Variants in OR7E24 observed in about 807,000 individuals in gnomAD.
The protein encoded by OR7E24 is olfactory receptor family 7 subfamily E member 24, also known as olfactory receptor 7E24.
For synonymous variants in OR7E24, 130 were observed against 157.5 expected (o/e 0.83, Z 1.31); for missense variants, 385 against 410.3 (o/e 0.94, Z 0.53).
At chr19:9,236,339 G>A in the OR7E24 span, among the ~76,000 whole-genome samples, 1 of 151,932 alleles carries the variant, frequency 6.6e-6, no homozygotes, top group Non-Finnish European at 1.5e-5. Flanking sequence ...GTGAAACCCT[G>A]TCTCTACCAA....
chr19:9,239,895 G>C, the OR7E24 span, among the ~76,000 whole-genome samples: 2 of 151,712 alleles, frequency 1.3e-5, no homozygotes, highest in African/African-American at 4.8e-5. Context: ...TTTTAATAGA[G>C]ATGGGGTTTC....
chr19:9,237,374 G>A, the OR7E24 span, among the ~76,000 whole-genome samples: 9 of 151,834 alleles, frequency 5.9e-5, no homozygotes, highest in South Asian at 1.2e-3. Context: ...GCAGTGGCAC[G>A]ATCTCGGCTC....
chr19:9,212,145 C>T, the OR7E24 span: 2 of 152,202 alleles, frequency 1.3e-5, no homozygotes, highest in Non-Finnish European at 2.9e-5. Flanking sequence ...GAAATAACCA[C>T]ATCGTGGAGA....
chr19:9,216,791 C>G, the OR7E24 span, among the ~76,000 whole-genome samples: 1 of 152,116 alleles, frequency 6.6e-6, no homozygotes, highest in Non-Finnish European at 1.5e-5. Context: ...GGGGTTTCAC[C>G]ATGTTGGCCA....
the OR7E24 span, among the ~76,000 whole-genome samples, chr19:9,232,250 G>A: frequency 6.6e-6 from 1 of 151,792 alleles, no homozygotes; most frequent in East Asian, 1.9e-4. Flanking sequence ...TTAAAAAGCA[G>A]GCTATATGGC....
the OR7E24 span, among the ~76,000 whole-genome samples, chr19:9,229,108 A>C: frequency 6.6e-6 from 1 of 152,178 alleles, no homozygotes; most frequent in African/African-American, 2.4e-5. Flanking sequence ...AAGGAAAGTA[A>C]ATTTAAAAAA....
At chr19:9,234,046 G>A in the OR7E24 span, among the ~76,000 whole-genome samples, 2 of 151,996 alleles carry the variant, frequency 1.3e-5, no homozygotes, top group Admixed American at 6.6e-5. Flanking sequence ...TGGGACTACA[G>A]GTGCGCACCA....
upstream of OR7E24, among the ~76,000 whole-genome samples, chr19:9,244,052 A>G (rs553313375): frequency 2.4e-4 from 36 of 152,304 alleles, no homozygotes; most frequent in African/African-American, 8.7e-4. Flanking sequence ...TTGGGATTCA[A>G]CAGCCTCTCC....
the OR7E24 span, among the ~76,000 whole-genome samples, chr19:9,238,583 G>A: frequency 7.2e-5 from 11 of 152,050 alleles, no homozygotes; most frequent in African/African-American, 2.7e-4. Context: ...TATACAATTT[G>A]TTATTAACTA....
upstream of OR7E24, among the ~76,000 whole-genome samples, chr19:9,247,897 T>G (rs1292100242): frequency 6.6e-5 from 10 of 152,338 alleles, no homozygotes; most frequent in East Asian, 1.9e-3. Context: ...ATTGGCTGTT[T>G]GTATATGTTC....
the OR7E24 span, among the ~76,000 whole-genome samples, chr19:9,241,687 C>A: frequency 2.0e-5 from 3 of 152,142 alleles, no homozygotes; most frequent in Non-Finnish European, 4.4e-5. Context: ...TTGCTTGAAT[C>A]TGGGAGGTAG....
Position 9,251,989 on chromosome 19 carries a change from C to G in OR7E24, c.946C>G (p.Gln316Glu), listed in dbSNP as rs780913120. The G allele has an allele frequency of 1.4e-5, 22 of 1,614,126 alleles. 2 individuals are homozygous for G. The South Asian group carries it at 2.2e-4, about 16-fold the overall frequency. Reference protein sequence around the residue: ...FIYSLRNKDIQSALCRLHGRI... With the variant: ...FIYSLRNKDIESALCRLHGRI... ...CTACAGCCTGAGGAACAAGGACATT[C>G]AAAGTGCCCTGTGCAGGCTGCATGG... Residue 316 changes from glutamine (Q) to glutamate (E), a missense_variant, in exon 1 of 1, where the codon CAA becomes GAA. By Grantham distance (29) the Gln-to-Glu change is conservative. Transcript: ENST00000456448.
the OR7E24 span, among the ~76,000 whole-genome samples, chr19:9,237,248 T>A: frequency 3.9e-5 from 6 of 152,102 alleles, no homozygotes; most frequent in Non-Finnish European, 8.8e-5. Context: ...CTCCCTTCTT[T>A]ATCTTAGTCT....
chr19:9,214,454 G>A, the OR7E24 span: 1 of 1,614,158 alleles, frequency 6.2e-7, no homozygotes, highest in South Asian at 1.1e-5. Flanking sequence ...AGTGCAGTGG[G>A]TGGCAGATGG....
upstream of OR7E24, among the ~76,000 whole-genome samples, chr19:9,248,985 G>A (rs186245976): frequency 3.4e-4 from 52 of 152,320 alleles, no homozygotes; most frequent in African/African-American, 1.3e-3. Context: ...TATCATCTGA[G>A]TTGATTTCTG....
the OR7E24 span, among the ~76,000 whole-genome samples, chr19:9,216,417 TAGAG>T: frequency 2.1e-4 from 32 of 152,258 alleles, no homozygotes; most frequent in Non-Finnish European, 3.8e-4. Context: ...CTGTATACCA[TAGAG>T]AAAGTTATTT....
the OR7E24 span, chr19:9,235,907 G>A: frequency 1.2e-6 from 2 of 1,609,004 alleles, no homozygotes; most frequent in Non-Finnish European, 1.7e-6. Flanking sequence ...TATGGAACAG[G>A]ACTTGGGGTC....
chr19:9,227,877 C>G, the OR7E24 span, among the ~76,000 whole-genome samples: 1 of 149,828 alleles, frequency 6.7e-6, no homozygotes, highest in Non-Finnish European at 1.5e-5. Context: ...CCTCAGCCTC[C>G]CAAGTAGCTG....
the OR7E24 span, among the ~76,000 whole-genome samples, chr19:9,233,097 G>C: frequency 6.6e-6 from 1 of 152,164 alleles, no homozygotes; most frequent in East Asian, 1.9e-4. Context: ...CCCAGCCTAC[G>C]CTGTCTATTC....
Sources: gnomAD v4.1 joint callset for allele counts (sites outside exome capture counted in the v4.1 genomes callset) on GRCh38, gnomAD v4.1.1 for gene constraint, MANE v1.5 for transcripts, NCBI Gene and HGNC (gene_info 2026-07-23, HGNC 2026-07-21) for gene names.